CLDN14: variants seen among roughly 807,000 people sequenced by gnomAD.
CLDN14 encodes claudin 14, also known as claudin-14.
A neutral mutation model predicts 2.1 loss-of-function variants in CLDN14; 2 were observed. The ratio of observed to expected loss-of-function variants is 0.96; its 90% CI spans 0.39 to 3.01. The LOEUF is 3.01. CLDN14 is among the 30% of genes most tolerant of loss of function. The pLI, the probability that CLDN14 is intolerant of heterozygous loss-of-function variation, is 0.09. For missense variants in CLDN14, 298 were observed against 328.0 expected, an observed-to-expected ratio of 0.91 and a Z score of 0.71; for synonymous variants, 136 against 154.4, an observed-to-expected ratio of 0.88 and a Z score of 0.88.
chr21:36,570,961 C>G (rs1392401356), intron 1 of CLDN14, among the ~76,000 whole-genome samples: 1 of 152,188 alleles, frequency 6.6e-6, no homozygotes, highest in African/African-American at 2.4e-5. Context: ...CCTGCCTCAG[C>G]CTCCTGAGTA....
upstream of CLDN14, among the ~76,000 whole-genome samples, chr21:36,482,150 T>C (rs2086850579): frequency 6.6e-6 from 1 of 152,226 alleles, no homozygotes; most frequent in Non-Finnish European, 1.5e-5. Context: ...AGAGGTATTT[T>C]TAAGTCTAAG....
intron 1 of CLDN14, among the ~76,000 whole-genome samples, chr21:36,575,962 AT>A (rs2087738732): frequency 6.6e-6 from 1 of 152,172 alleles, no homozygotes. Flanking sequence ...AACGCATTGA[AT>A]TTTATCTTTT....
intron 1 of CLDN14, among the ~76,000 whole-genome samples, chr21:36,539,806 A>T (rs974760254): frequency 2.1e-5 from 3 of 139,854 alleles, no homozygotes; most frequent in Non-Finnish European, 3.1e-5. Context: ...ATGTCTGCAG[A>T]TGAGTGTGTG....
intron 1 of CLDN14, among the ~76,000 whole-genome samples, chr21:36,552,794 C>T (rs774080847): frequency 1.3e-5 from 2 of 152,182 alleles, no homozygotes; most frequent in Admixed American, 6.5e-5. Context: ...CAGAACAGCA[C>T]GGGTCTCGGC....
intron 1 of CLDN14, among the ~76,000 whole-genome samples, chr21:36,468,611 A>C (rs2086674458): frequency 7.7e-6 from 1 of 129,978 alleles, no homozygotes; most frequent in Admixed American, 7.7e-5. Flanking sequence ...TTAGGAACTA[A>C]AAATAAACTC....
At chr21:36,541,203 CTCCTACCTTTCCG>C (rs928414568) in intron 1 of CLDN14, among the ~76,000 whole-genome samples, 82 of 152,264 alleles carry the variant, frequency 5.4e-4, no homozygotes, top group African/African-American at 2.0e-3. Context: ...TGCAGGATAC[CTCCTACCTTTCCG>C]TCAGTCAGTT....
chr21:36,466,193 C>A (rs1251568557), intron 1 of CLDN14, among the ~76,000 whole-genome samples: 2 of 152,138 alleles, frequency 1.3e-5, no homozygotes, highest in Non-Finnish European at 2.9e-5. Flanking sequence ...CTAGAGACAC[C>A]CCCCTGCACC....
At position 36,539,553 on chromosome 21, in the gene CLDN14, GTGTGTGGAGTGAGTGTGTGCAGTT is replaced by G. The variant is rs2087464805; in HGVS notation, c.-219-29077_-219-29054del. On this transcript the variant is annotated intron_variant, in intron 1 of 2. Coordinates refer to the CLDN14 transcript ENST00000342108. ...AGTGTATGTGGAGTGTGTGTGGAGT[GTGTGTGGAGTGAGTGTGTGCAGTT>G]TGTGTGGAGTGAGTGTGTGTGTGGA... Among the ~76,000 whole-genome samples the G allele has an allele frequency of 2.0e-5, 3 of 150,590 alleles. No individual in the cohort carries two copies. In the South Asian group the frequency reaches 6.4e-4, roughly 32 times the overall value.
chr21:36,512,228 A>G (rs905286921), intron 1 of CLDN14, among the ~76,000 whole-genome samples: 6 of 152,180 alleles, frequency 3.9e-5, no homozygotes, highest in Non-Finnish European at 8.8e-5. Flanking sequence ...CAACTCTCCC[A>G]TGTTAGGAGG....
chr21:36,574,048 T>G (rs2087726286), intron 1 of CLDN14, among the ~76,000 whole-genome samples: 1 of 152,166 alleles, frequency 6.6e-6, no homozygotes, highest in African/African-American at 2.4e-5. Flanking sequence ...AAGAAATAAA[T>G]GAGCTGATTC....
At chr21:36,488,703 G>A (rs2086926420) in intron 2 of CLDN14, among the ~76,000 whole-genome samples, 1 of 152,162 alleles carries the variant, frequency 6.6e-6, no homozygotes, top group South Asian at 2.1e-4. Context: ...CAGTCTGGGA[G>A]GAGGAGAAAG....
At chr21:36,465,800 C>T (rs1231061961) in intron 1 of CLDN14, among the ~76,000 whole-genome samples, 2 of 152,158 alleles carry the variant, frequency 1.3e-5, no homozygotes, top group African/African-American at 2.4e-5. Flanking sequence ...AGATACGGAT[C>T]CAAAACAAAT....
chr21:36,557,349 CTTT>C (rs2087606082), intron 1 of CLDN14, among the ~76,000 whole-genome samples: 1 of 152,080 alleles, frequency 6.6e-6, no homozygotes, highest in African/African-American at 2.4e-5. Context: ...TCTATTTTAA[CTTT>C]TTTGAGGAAA....
At chr21:36,542,338 C>T (rs1354440260) in intron 1 of CLDN14, among the ~76,000 whole-genome samples, 1 of 152,238 alleles carries the variant, frequency 6.6e-6, no homozygotes, top group Non-Finnish European at 1.5e-5. Flanking sequence ...TGACTTCCCT[C>T]ACCTTGGGAG....
intron 1 of CLDN14, among the ~76,000 whole-genome samples, chr21:36,519,138 A>AT (rs1183738591): frequency 1.3e-5 from 2 of 152,156 alleles, no homozygotes; most frequent in Admixed American, 6.5e-5. Flanking sequence ...TACACGCCCC[A>AT]TTTTTAGCTG....
intron 2 of CLDN14, among the ~76,000 whole-genome samples, chr21:36,504,389 C>G (rs2087114296): frequency 6.6e-6 from 1 of 152,072 alleles, no homozygotes; most frequent in African/African-American, 2.4e-5. Context: ...TCTGCTTAGT[C>G]TAGGCCAACT....
chr21:36,575,551 A>G (rs2087736021), intron 1 of CLDN14, among the ~76,000 whole-genome samples: 1 of 152,146 alleles, frequency 6.6e-6, no homozygotes, highest in African/African-American at 2.4e-5. Flanking sequence ...CTAATGCTTT[A>G]GCCAAAGGGA....
intron 1 of CLDN14, among the ~76,000 whole-genome samples, chr21:36,464,972 A>G (rs1239342088): frequency 6.6e-6 from 1 of 152,188 alleles, no homozygotes; most frequent in African/African-American, 2.4e-5. Context: ...ATCTCAGAAC[A>G]ATGGCCTTGC....
intron 1 of CLDN14, among the ~76,000 whole-genome samples, chr21:36,545,793 A>G (rs2146513902): frequency 6.6e-6 from 1 of 152,196 alleles, no homozygotes; most frequent in Non-Finnish European, 1.5e-5. Flanking sequence ...TTCCCCTCCC[A>G]ATTAAAATGA....
Sources: gnomAD v4.1 joint callset for allele counts (sites outside exome capture counted in the v4.1 genomes callset) on GRCh38, gnomAD v4.1.1 for gene constraint, MANE v1.5 for transcripts, NCBI Gene and HGNC (gene_info 2026-07-23, HGNC 2026-07-21) for gene names.